Variants in EMC4 observed in about 807,000 individuals in gnomAD.
EMC4 encodes the protein cell proliferation-inducing gene 17 protein.
In EMC4, 9 loss-of-function variants were observed where a neutral mutation model predicts 24.2. The ratio of observed to expected loss-of-function variants is 0.37; its 90% confidence interval spans 0.22 to 0.65. The LOEUF is 0.65. EMC4 is among the 30% of genes least tolerant of loss of function. The pLI, the probability that EMC4 is intolerant of heterozygous loss-of-function variation, is 0.59. For synonymous variants in EMC4, 86 were observed against 81.1 expected (o/e 1.06, Z -0.32); for missense variants, 169 against 234.6 (o/e 0.72, Z 1.83).
In EMC4 at chr15:34,228,453, G is replaced by C; in HGVS notation, c.380G>C (p.Ser127Thr). 6.2e-7 allele frequency: 1 copy of C among 1,613,868 alleles called. No individual in the cohort carries two copies. The highest frequency in any genetic ancestry group is 2.2e-5 in the East Asian group (1 of 44,870). Residue 127 changes from serine to threonine, a missense_variant, in exon 4 of 5, where the codon AGC becomes ACC. Physicochemically the swap from Ser to Thr is moderately conservative, Grantham distance 58. Transcript: ENST00000267750. ...GCTTTCAAGATGTTAGAAAGTTCAAGCCAGAAGTTTCTTCAGGGTTTGGTC... is the reference window on the plus strand; with the variant it reads ...GCTTTCAAGATGTTAGAAAGTTCAACCCAGAAGTTTCTTCAGGGTTTGGTC... ...SATFKMLESS[S>T]QKFLQGLVYL...
intron 2 of EMC4, chr15:34,227,108 T>A (rs1231028511): frequency 1.4e-5 from 2 of 146,540 alleles, no homozygotes; most frequent in African/African-American, 5.3e-5. Flanking sequence ...TTTGTACAAT[T>A]TGCATTCTTT....
At chr15:34,227,623 C>T in intron 2 of EMC4, 70 bp from the exon 3 acceptor site, 2 of 1,507,428 alleles carry the variant, frequency 1.3e-6, no homozygotes, top group South Asian at 1.2e-5. Context: ...TGTGATTTAG[C>T]ATCAGTGATA....
At chr15:34,226,094 G>A (rs1890644065) in intron 2 of EMC4, 3 of 322,396 alleles carry the variant, frequency 9.3e-6, no homozygotes, top group Non-Finnish European at 1.8e-5. Context: ...GTATCACCAT[G>A]TTTGCCAGGC....
Position 34,230,010 on chromosome 15 carries a change from A to C in EMC4, c.*222A>C, listed in dbSNP as rs1278114040. 1.7e-6 allele frequency: 1 copy of C among 578,146 alleles called. No individual in the cohort carries two copies. The highest frequency in any genetic ancestry group is 3.0e-6 in the Non-Finnish European group (1 of 329,662). The allele number at this position is 578,146 out of a possible 1,614,324, so 35.8% of individuals were successfully genotyped here. ...TAACCCAAGGCTGAAAATAATGTAG[A>C]AAACTTTATTTTTGTTTCCAGTACA... On this transcript the variant is annotated 3_prime_UTR_variant, in exon 5 of 5. Coordinates refer to ENST00000267750, the MANE Select transcript of EMC4 (RefSeq NM_016454.4).
At chr15:34,225,940 C>G in intron 2 of EMC4, 1 of 413,932 alleles carries the variant, frequency 2.4e-6, no homozygotes, top group South Asian at 1.9e-5. Flanking sequence ...TTCCCTTACA[C>G]CACATATCCA....
Position 34,225,076 on chromosome 15 carries a change from G to A in EMC4, c.-39G>A. On this transcript the variant is annotated 5_prime_UTR_variant, in exon 1 of 5. Transcript: ENST00000267750. ...TGGGCCTGTTGTGGAGTACGCTTTG[G>A]ACTGAGAAGCATCGAGGCTATAGGA... 4.0e-6 allele frequency: 6 copies of A among 1,513,590 alleles called. No homozygotes were observed. Among genetic ancestry groups the A allele is most frequent in the Non-Finnish European group, 5.4e-6 (6 of 1,112,314 alleles). 93.8% of individuals were successfully genotyped at this position (1,513,590 alleles called of 1,614,324 possible).
chr15:34,229,620 C>G, intron 4 of EMC4, 133 bp from the exon 5 acceptor site: 1 of 646,488 alleles, frequency 1.5e-6, no homozygotes, highest in East Asian at 2.7e-5. Context: ...TTAGCTACTG[C>G]GCCTGGCCTG....
rs775792601 is a variant in EMC4, at chr15:34,225,215, C to T, written c.86+15C>T. The T allele has an allele frequency of 2.1e-5, 32 of 1,539,156 alleles. No individual in the cohort carries two copies. The highest frequency in any genetic ancestry group is 2.8e-5 in the Non-Finnish European group (32 of 1,138,144). Reference sequence around the variant, plus strand: ...GGAGGCAGCAGGTGAGGCACCTGGGCAAGCTGTACATCACTGTTCATCCCA... The same window carrying T: ...GGAGGCAGCAGGTGAGGCACCTGGGTAAGCTGTACATCACTGTTCATCCCA... On this transcript the variant is annotated intron_variant, in intron 1 of 4. Transcript: ENST00000267750.
chr15:34,225,283 T>G, intron 1 of EMC4, 83 bp downstream of exon 1: 1 of 1,235,490 alleles, frequency 8.1e-7, no homozygotes, highest in Non-Finnish European at 1.1e-6. Flanking sequence ...CAGGCATAAC[T>G]CTGAAAAAGA....
intron 2 of EMC4, 162 bp from the exon 3 acceptor site, chr15:34,227,531 C>T (rs1283560380): frequency 3.1e-6 from 2 of 645,948 alleles, no homozygotes; most frequent in Non-Finnish European, 5.4e-6. Context: ...GAGAGCCTTC[C>T]TGTGGCAACG....
intron 4 of EMC4, 182 bp downstream of exon 4, chr15:34,228,771 G>A (rs1890736152): frequency 1.2e-5 from 5 of 430,174 alleles, no homozygotes; most frequent in African/African-American, 4.7e-5. Context: ...GGCAACCTCC[G>A]CCTCCTGGGT....
chr15:34,229,803 C>T lies in EMC4; in HGVS notation c.*15C>T, dbSNP rs748193896. On this transcript the variant is annotated 3_prime_UTR_variant, in exon 5 of 5. Coordinates refer to ENST00000267750, the MANE Select transcript of EMC4 (RefSeq NM_016454.4). ...TGCTTTTGTGAACATGAGAAAGCAG[C>T]GCCTGGTCCCTATGTATTTGGGTCT... is the stretch of plus-strand genomic sequence containing the variant. The T allele has an allele frequency of 7.4e-6, 12 of 1,612,000 alleles. No individual in the cohort carries two copies. Among genetic ancestry groups the T allele is most frequent in the Admixed American group, 5.0e-5 (3 of 59,908 alleles).
intron 2 of EMC4, 153 bp from the exon 3 acceptor site, chr15:34,227,540 C>T (rs1440840026): frequency 2.6e-5 from 18 of 696,252 alleles, no homozygotes; most frequent in Middle Eastern, 4.3e-4. Context: ...CCTGTGGCAA[C>T]GTGGAGAAGG....
At chr15:34,228,689 T>A in intron 4 of EMC4, 100 bp downstream of exon 4, 85 of 316,918 alleles carry the variant, frequency 2.7e-4, no homozygotes, top group Non-Finnish European at 3.7e-4. Context: ...TGAGTTTCTT[T>A]TTTTTTTTTT....
At chr15:34,227,216 A>G (rs1314622345) in intron 2 of EMC4, 1 of 153,622 alleles carries the variant, frequency 6.5e-6, no homozygotes, top group African/African-American at 2.4e-5. Context: ...GTGCAGTGTT[A>G]CATGTCAGTT....
rs1890798083 is a variant in EMC4 at position 34,229,811 on chromosome 15, C to T, written c.*23C>T. ...TGAACATGAGAAAGCAGCGCCTGGT[C>T]CCTATGTATTTGGGTCTTATTTACA... On this transcript the variant is annotated 3_prime_UTR_variant, in exon 5 of 5. Transcript: ENST00000267750. 2.5e-6 allele frequency: 4 copies of T among 1,611,690 alleles called. No homozygotes were observed. The highest frequency in any genetic ancestry group is 3.4e-6 in the Non-Finnish European group (4 of 1,177,832).
In EMC4 at chr15:34,230,153, A is replaced by G. The variant is rs1409162391; in HGVS notation, c.*365A>G. ...TAAATGGTTGAGAACAATGCATAAAAAAAGTTGCACAAGTTCCTTATTTTC... is the reference window on the plus strand; with the variant it reads ...TAAATGGTTGAGAACAATGCATAAAGAAAGTTGCACAAGTTCCTTATTTTC... On this transcript the variant is annotated 3_prime_UTR_variant, in exon 5 of 5. Transcript: ENST00000267750. The G allele has an allele frequency of 2.2e-5, 5 of 231,234 alleles. No individual in the cohort carries two copies. The highest frequency in any genetic ancestry group is 3.0e-4 in the South Asian group (2 of 6,696). 14.3% of individuals were successfully genotyped at this position (231,234 alleles called of 1,614,324 possible).
intron 2 of EMC4, chr15:34,226,026 C>T (rs894667949): frequency 8.6e-6 from 3 of 350,064 alleles, no homozygotes; most frequent in Non-Finnish European, 1.7e-5. Context: ...AAGCCACCAT[C>T]CTTCATCTAG....
At chr15:34,228,291 A>G in intron 3 of EMC4, 138 bp from the exon 4 acceptor site, 2 of 842,668 alleles carry the variant, frequency 2.4e-6, no homozygotes, top group South Asian at 3.4e-5. Flanking sequence ...AGTGCTTACC[A>G]TGGTTTTCTG....
Sources: allele counts gnomAD v4.1 joint callset, GRCh38; gene constraint gnomAD v4.1.1; transcripts MANE v1.5; gene names NCBI Gene and HGNC (gene_info 2026-07-23, HGNC 2026-07-21).